ZC3H8: variants seen among roughly 807,000 people sequenced by gnomAD.
The protein encoded by ZC3H8 is zinc finger CCCH domain-containing protein 8.
ZC3H8 carries 27 observed loss-of-function variants against 42.5 expected under a neutral mutation model. The ratio of observed to expected loss-of-function variants is 0.64; its 90% confidence interval spans 0.47 to 0.88. The LOEUF is 0.88. Ranked by LOEUF, ZC3H8 falls within the 40% of genes least tolerant of loss-of-function variation. The probability of loss-of-function intolerance (pLI) is 0.00; values close to 1 mark genes in which losing one functional copy is unlikely to be tolerated. For missense variants in ZC3H8, 277 were observed against 336.1 expected (o/e 0.82, Z 1.37); for synonymous variants, 101 against 110.1 (o/e 0.92, Z 0.52).
At chr2:112,221,096 G>C (rs996771619) in intron 8 of ZC3H8, among the ~76,000 whole-genome samples, 4 of 152,202 alleles carry the variant, frequency 2.6e-5, no homozygotes, top group Non-Finnish European at 5.9e-5. Context: ...ACGGAAATGA[G>C]TCATAGATTT....
At chr2:112,251,365 T>C (rs895834566) in intron 1 of ZC3H8, among the ~76,000 whole-genome samples, 8 of 152,192 alleles carry the variant, frequency 5.3e-5, no homozygotes, top group Non-Finnish European at 1.2e-4. Flanking sequence ...CAGAGTTACA[T>C]CCATCAGATG....
chr2:112,254,394 C>G (rs1686054783), intron 1 of ZC3H8, among the ~76,000 whole-genome samples: 1 of 152,226 alleles, frequency 6.6e-6, no homozygotes, highest in Non-Finnish European at 1.5e-5. Flanking sequence ...TAGGGTCTTT[C>G]CATGCAAATC....
intron 1 of ZC3H8, among the ~76,000 whole-genome samples, chr2:112,251,024 T>C (rs1489255721): frequency 2.0e-5 from 3 of 151,980 alleles, no homozygotes; most frequent in East Asian, 1.9e-4. Context: ...TATAAGAACA[T>C]GGTGAACAAA....
chr2:112,245,281 A>G (rs530983300), intron 2 of ZC3H8, among the ~76,000 whole-genome samples: 1 of 152,364 alleles, frequency 6.6e-6, no homozygotes, highest in South Asian at 2.1e-4. Flanking sequence ...AAAGGTGAGG[A>G]AGCTGCAGAA....
intron 8 of ZC3H8, among the ~76,000 whole-genome samples, chr2:112,228,000 T>C (rs934898795): frequency 2.6e-5 from 4 of 152,174 alleles, no homozygotes; most frequent in Admixed American, 6.5e-5. Flanking sequence ...CTTTGAAAAG[T>C]AGAACAAAGC....
chr2:112,253,762 T>G (rs1041175154), intron 1 of ZC3H8, among the ~76,000 whole-genome samples: 1 of 152,228 alleles, frequency 6.6e-6, no homozygotes. Flanking sequence ...ATGTTGCTAT[T>G]ATCTTTTTTT....
intron 1 of ZC3H8, chr2:112,254,033 G>A: frequency 1.2e-6 from 1 of 846,972 alleles, no homozygotes; most frequent in Non-Finnish European, 1.4e-6. Context: ...TGTAAAACGA[G>A]GACGGCATCA....
intron 8 of ZC3H8, among the ~76,000 whole-genome samples, chr2:112,224,294 ACT>A (rs2104645999): frequency 6.6e-6 from 1 of 152,140 alleles, no homozygotes; most frequent in Non-Finnish European, 1.5e-5. Context: ...AAAAAGAAAA[ACT>A]CTGGTCATGT....
rs867288956 is a variant in ZC3H8 at position 112,226,615 on chromosome 2, C to T, written c.*15+4288G>A. Among the ~76,000 whole-genome samples the T allele has an allele frequency of 2.6e-4, 30 of 116,524 alleles. No individual in the cohort carries two copies. The South Asian group carries it at 7.8e-3, about 30-fold the overall frequency. 76.4% of individuals were successfully genotyped at this position (116,524 alleles called of 152,430 possible). A position where few individuals can be genotyped will look rare whatever the true frequency, so the allele number is the denominator to read the frequency against. On this transcript the variant is annotated intron_variant, in intron 8 of 8. Transcript: ENST00000409573. ...AAAAAAAAAAAAAAAAGCTCAGGCCCAGTTGTCTTACTGGTGAATTAAAGG... is the reference window on the plus strand; with the variant it reads ...AAAAAAAAAAAAAAAAGCTCAGGCCTAGTTGTCTTACTGGTGAATTAAAGG...
At chr2:112,250,169 A>G in intron 2 of ZC3H8, 22 bp downstream of exon 2, 1 of 1,530,934 alleles carries the variant, frequency 6.5e-7, no homozygotes, top group Non-Finnish European at 8.8e-7. Context: ...TTCAACTTAA[A>G]CAGTGGTCAA....
At chr2:112,222,643 CTG>C (rs985994224) in intron 8 of ZC3H8, among the ~76,000 whole-genome samples, 4 of 152,056 alleles carry the variant, frequency 2.6e-5, no homozygotes, top group Admixed American at 1.3e-4. Flanking sequence ...AAAGGACAAA[CTG>C]TATGATTTCA....
At chr2:112,248,959 C>T (rs1252441969) in intron 2 of ZC3H8, among the ~76,000 whole-genome samples, 2 of 152,096 alleles carry the variant, frequency 1.3e-5, no homozygotes, top group South Asian at 2.1e-4. Context: ...CTTTGGGAGG[C>T]CGAGGCGGTC....
intron 1 of ZC3H8, among the ~76,000 whole-genome samples, 200 bp downstream of exon 1, chr2:112,254,708 C>T (rs906523864): frequency 2.6e-5 from 4 of 152,224 alleles, no homozygotes; most frequent in African/African-American, 7.2e-5. Context: ...GCCTGAGCCC[C>T]GCGTTCAGCT....
chr2:112,242,009 A>T (rs190868165), intron 2 of ZC3H8, among the ~76,000 whole-genome samples: 1 of 152,260 alleles, frequency 6.6e-6, no homozygotes, highest in East Asian at 1.9e-4. Context: ...CACACAGCCT[A>T]CTCACTCACC....
At chr2:112,222,029 T>C (rs891678804) in intron 8 of ZC3H8, among the ~76,000 whole-genome samples, 1 of 152,088 alleles carries the variant, frequency 6.6e-6, no homozygotes, top group Non-Finnish European at 1.5e-5. Context: ...GTCCTTTGGG[T>C]AGATTTTTTG....
intron 1 of ZC3H8, among the ~76,000 whole-genome samples, chr2:112,252,931 C>T (rs1025084172): frequency 1.3e-5 from 2 of 152,174 alleles, no homozygotes; most frequent in Non-Finnish European, 2.9e-5. Flanking sequence ...ATCACAAGGT[C>T]AGGAGATCGA....
intron 8 of ZC3H8, among the ~76,000 whole-genome samples, chr2:112,225,555 G>A (rs910138968): frequency 6.6e-6 from 1 of 152,228 alleles, no homozygotes; most frequent in Non-Finnish European, 1.5e-5. Flanking sequence ...AGTGGCTCAT[G>A]CCTGTAATCC....
chr2:112,254,750 A>G (rs1426671861), intron 1 of ZC3H8, 158 bp downstream of exon 1: 1 of 809,320 alleles, frequency 1.2e-6, no homozygotes, highest in African/African-American at 1.8e-5. Flanking sequence ...CACGACCTCT[A>G]TAGGTCAGAC....
At chr2:112,224,821 G>A (rs1684745201) in intron 8 of ZC3H8, among the ~76,000 whole-genome samples, 1 of 152,210 alleles carries the variant, frequency 6.6e-6, no homozygotes, top group African/African-American at 2.4e-5. Flanking sequence ...CTGAGAGAAG[G>A]AGAAGAATGA....
Sources: gnomAD v4.1 joint callset for allele counts (sites outside exome capture counted in the v4.1 genomes callset) on GRCh38, gnomAD v4.1.1 for gene constraint, MANE v1.5 for transcripts, NCBI Gene and HGNC (gene_info 2026-07-23, HGNC 2026-07-21) for gene names.